SPTBN1: variants seen among roughly 807,000 people sequenced by gnomAD.
The protein encoded by SPTBN1 is spectrin beta, non-erythrocytic 1.
In SPTBN1, 32 loss-of-function variants were observed where a neutral mutation model predicts 266.4. That is an observed-to-expected ratio of 0.12 (90% confidence interval 0.09 to 0.16). The LOEUF is 0.16. Ranked by LOEUF, SPTBN1 falls within the 10% of genes least tolerant of loss-of-function variation. The probability of loss-of-function intolerance (pLI) is 1.00; values close to 1 mark genes in which losing one functional copy is unlikely to be tolerated. For synonymous variants in SPTBN1, 1,336 were observed against 1,162.2 expected, an observed-to-expected ratio of 1.15 and a Z score of -3.04; for missense variants, 2,296 against 3,067.1, an observed-to-expected ratio of 0.75 and a Z score of 5.94.
At chr2:54,660,895 G>C in intron 32 of SPTBN1, 1 of 985,436 alleles carries the variant, frequency 1.0e-6, no homozygotes, top group Non-Finnish European at 1.2e-6. Flanking sequence ...TTAGAAGCTT[G>C]CCTCACAGAC....
intron 2 of SPTBN1, chr2:54,527,893 G>T (rs1172880547): frequency 6.6e-6 from 1 of 152,244 alleles, no homozygotes; most frequent in Non-Finnish European, 1.5e-5. Context: ...AGTTTGGTCA[G>T]TCTCAACCAA....
chr2:54,566,839 A>C (rs1180216300), intron 2 of SPTBN1, among the ~76,000 whole-genome samples: 1 of 152,172 alleles, frequency 6.6e-6, no homozygotes, highest in African/African-American at 2.4e-5. Context: ...TCAAAAAAAA[A>C]AAGTTTGATG....
At chr2:54,665,100 A>G (rs1283552828) in intron 33 of SPTBN1, among the ~76,000 whole-genome samples, 1 of 152,134 alleles carries the variant, frequency 6.6e-6, no homozygotes, top group African/African-American at 2.4e-5. Context: ...AACAGCCCCA[A>G]TTTTTTTATT....
At chr2:54,477,871 G>A (rs1372890892) in intron 1 of SPTBN1, among the ~76,000 whole-genome samples, 13 of 151,838 alleles carry the variant, frequency 8.6e-5, no homozygotes, top group South Asian at 8.3e-4. Flanking sequence ...AGATCATGCC[G>A]CTGCATTCCA....
intron 1 of SPTBN1, among the ~76,000 whole-genome samples, chr2:54,523,633 T>G (rs1258596892): frequency 6.6e-6 from 1 of 152,268 alleles, no homozygotes; most frequent in African/African-American, 2.4e-5. Context: ...GCTGGAACTT[T>G]TAAAAAGCTG....
chr2:54,584,634 C>G (rs1033481772), intron 2 of SPTBN1, among the ~76,000 whole-genome samples: 1 of 152,166 alleles, frequency 6.6e-6, no homozygotes, highest in Non-Finnish European at 1.5e-5. Context: ...AGCAGAACAT[C>G]TATAAGTTTC....
At chr2:54,530,545 G>C (rs1243723889) in intron 2 of SPTBN1, among the ~76,000 whole-genome samples, 2 of 151,814 alleles carry the variant, frequency 1.3e-5, no homozygotes, top group African/African-American at 4.8e-5. Context: ...TTTTCGTAGA[G>C]ACGGGGTTTC....
Position 54,653,414 on chromosome 2 carries a change from A to C in SPTBN1, c.5578-195A>C, listed in dbSNP as rs1012640919. ...TCATTCATAAAGAACTTAATAATGT[A>C]GTTGAACAGATTTATAGAAAACGGG... On this transcript the variant is annotated intron_variant, in intron 26 of 35. Transcript: ENST00000356805. The surrounding 1 kb of genome is among the most constrained non-coding windows in gnomAD (Gnocchi z 5.1). 2.8e-5 allele frequency: 20 copies of C among 711,878 alleles called. 1 individual carries two copies. The Middle Eastern group carries it at 2.0e-3, about 73-fold the overall frequency. The allele number at this position is 711,878 out of a possible 1,614,324, so 44.1% of individuals were successfully genotyped here.
At chr2:54,641,217 G>T (rs968596207) in intron 18 of SPTBN1, among the ~76,000 whole-genome samples, 8 of 152,266 alleles carry the variant, frequency 5.3e-5, no homozygotes, top group Middle Eastern at 3.4e-3. Context: ...GTGCTGTATC[G>T]CATGATGCTT....
intron 6 of SPTBN1, 128 bp from the exon 7 acceptor site, chr2:54,617,950 T>G (rs935648720): frequency 4.1e-6 from 3 of 739,632 alleles, no homozygotes; most frequent in Non-Finnish European, 6.7e-6. Flanking sequence ...GATTCCATGA[T>G]AGTATATTTT....
At chr2:54,514,007 A>G (rs946689205) in intron 1 of SPTBN1, among the ~76,000 whole-genome samples, 1 of 152,228 alleles carries the variant, frequency 6.6e-6, no homozygotes, top group African/African-American at 2.4e-5. Flanking sequence ...ATGTAAGCGG[A>G]GAAGAAGTAC....
At chr2:54,466,139 G>T (rs1303683137) in intron 1 of SPTBN1, among the ~76,000 whole-genome samples, 1 of 152,086 alleles carries the variant, frequency 6.6e-6, no homozygotes, top group Non-Finnish European at 1.5e-5. Context: ...TAATATCTCT[G>T]CTCTAGAATC....
chr2:54,668,571 C>T lies in SPTBN1; in HGVS notation c.*2C>T. On this transcript the variant is annotated 3_prime_UTR_variant, in exon 36 of 36. Coordinates refer to ENST00000356805, the MANE Select transcript of SPTBN1 (RefSeq NM_003128.3). ...AGCCTTTTTGGCAAAAAGAAATGAA[C>T]TCCTTTCCTTCACCTCCTGCCCTTC... 2 of 1,608,006 alleles carry T rather than the reference C, an allele frequency of 1.2e-6. No individual in the cohort carries two copies. Among genetic ancestry groups the T allele is most frequent in the Non-Finnish European group, 1.7e-6 (2 of 1,176,996 alleles).
intron 2 of SPTBN1, among the ~76,000 whole-genome samples, chr2:54,561,011 CAT>C (rs1573415900): frequency 1.3e-5 from 2 of 152,210 alleles, no homozygotes; most frequent in Admixed American, 6.5e-5. Context: ...TTTTTGATAA[CAT>C]ATAATTTCTA....
rs1337545023 is a variant in SPTBN1, at chr2:54,499,520, G to T, written c.-47-26852G>T. On this transcript the variant is annotated intron_variant, in intron 1 of 35. Transcript: ENST00000356805. ...TTGCTTTCAGCACTTGCTAAAACGT[G>T]GAGCCAAGGGGAGAGAATCCACCAG... Among the ~76,000 whole-genome samples, 3 of 152,336 alleles carry T rather than the reference G, an allele frequency of 2.0e-5. No individual in the cohort carries two copies. In the East Asian group the frequency reaches 5.8e-4, roughly 29 times the overall value.
At chr2:54,666,452 G>T (rs1681374953) in intron 34 of SPTBN1, among the ~76,000 whole-genome samples, 1 of 152,226 alleles carries the variant, frequency 6.6e-6, no homozygotes, top group Admixed American at 6.5e-5. Flanking sequence ...CCCGACCCAG[G>T]AGATGCTATT....
intron 1 of SPTBN1, among the ~76,000 whole-genome samples, chr2:54,515,526 T>TTATC (rs1432619855): frequency 6.6e-6 from 1 of 150,930 alleles, no homozygotes; most frequent in Non-Finnish European, 1.5e-5. Flanking sequence ...ATTTTTTAGA[T>TTATC]TATTTATTTA....
At chr2:54,517,973 A>C (rs56381959) in intron 1 of SPTBN1, among the ~76,000 whole-genome samples, 1 of 149,754 alleles carries the variant, frequency 6.7e-6, no homozygotes, top group East Asian at 1.9e-4. Context: ...AACAGTGGAT[A>C]TGTTTCTGTA....
Position 54,631,129 on chromosome 2 carries a change from G to A in SPTBN1, c.3082G>A (p.Asp1028Asn), listed in dbSNP as rs545815578. 15 of 1,614,176 alleles carry A rather than the reference G, an allele frequency of 9.3e-6. No individual in the cohort carries two copies. The African/African-American group carries it at 1.3e-4, about 14-fold the overall frequency. ...GGAGAAGCTGGAGTCCGAGCACCCC[G>A]ACCAGGCCCAGGCCATCCTGTCTCG... Reference protein sequence around the residue: ...EAEKLESEHPDQAQAILSRLA... With the variant: ...EAEKLESEHPNQAQAILSRLA... The change falls in exon 16 of 36, where the codon GAC becomes AAC. Residue 1028 changes from aspartate to asparagine, a missense_variant. By Grantham distance (23) the Asp-to-Asn change is conservative. This residue lies in a region of SPTBN1 where 128 missense variants were observed against 176.5 expected (regional missense o/e 0.73). Coordinates refer to ENST00000356805, the MANE Select transcript of SPTBN1 (RefSeq NM_003128.3).
Sources: allele counts gnomAD v4.1 joint callset (sites outside exome capture counted in the v4.1 genomes callset), GRCh38; gene constraint gnomAD v4.1.1; regional missense constraint gnomAD v4.1.1; non-coding constraint Gnocchi (gnomAD v3.1); transcripts MANE v1.5; gene names NCBI Gene and HGNC (gene_info 2026-07-23, HGNC 2026-07-21).